TUBGCP6: variants seen among roughly 807,000 people sequenced by gnomAD.
TUBGCP6 encodes gamma-tubulin complex component 6.
In TUBGCP6, 161 loss-of-function variants were observed where a neutral mutation model predicts 175.8. The observed-to-expected ratio is 0.92, with a 90% CI of 0.81 to 1.04. The LOEUF (loss-of-function observed/expected upper bound fraction) is 1.04. TUBGCP6 is among the 50% of genes least tolerant of loss of function. The pLI is 0.00. For missense variants in TUBGCP6, 2,572 were observed against 2,433.0 expected, an observed-to-expected ratio of 1.06 and a Z score of -1.20; for synonymous variants, 1,173 against 1,030.5, an observed-to-expected ratio of 1.14 and a Z score of -2.65.
intron 1 of TUBGCP6, among the ~76,000 whole-genome samples, chr22:50,242,325 T>C (rs1198533494): frequency 6.7e-6 from 1 of 148,322 alleles, no homozygotes; most frequent in Non-Finnish European, 1.5e-5. Context: ...AAAATAAAAA[T>C]ACAAACATAT....
intron 3 of TUBGCP6, among the ~76,000 whole-genome samples, chr22:50,232,691 T>TTTTC (rs1170883632): frequency 6.6e-6 from 1 of 152,258 alleles, no homozygotes; most frequent in African/African-American, 2.4e-5. Context: ...TGGTGAGCAC[T>TTTTC]TTTCTGGGGC....
At chr22:50,238,106 C>A (rs1290079862) in intron 2 of TUBGCP6, among the ~76,000 whole-genome samples, 1 of 151,544 alleles carries the variant, frequency 6.6e-6, no homozygotes, top group East Asian at 1.9e-4. Flanking sequence ...GCACTCCAGC[C>A]TGGGCAACAA....
rs748989083 is a variant in TUBGCP6, at chr22:50,217,990, C to T, written c.5296G>A (p.Glu1766Lys). Residue 1766 changes from glutamate to lysine, a missense_variant, in exon 24 of 25, where the codon GAG (glutamate) becomes AAG (lysine). Transcript: ENST00000248846. ...TGCATGAGTGCAAAGTTGGGGTGCT[C>T]TGCACCCCGCGGGCCCCCAGGGGGC... Reference protein sequence around the residue: ...WGPPGGPRGAEHPNFALMQQS... With the variant: ...WGPPGGPRGAKHPNFALMQQS... 3.1e-6 allele frequency: 5 copies of T among 1,611,314 alleles called. No individual in the cohort carries two copies. In the South Asian group the frequency reaches 3.3e-5, roughly 11 times the overall value.
intron 2 of TUBGCP6, 146 bp downstream of exon 2, chr22:50,240,057 CA>C (rs2064820992): frequency 4.5e-6 from 5 of 1,102,836 alleles, no homozygotes; most frequent in Non-Finnish European, 6.6e-6. Context: ...TCCCAGGACT[CA>C]GTCAATTTTG....
chr22:50,228,167 T>C (rs2064640273), intron 4 of TUBGCP6, 139 bp from the exon 5 acceptor site: 3 of 1,058,924 alleles, frequency 2.8e-6, no homozygotes, highest in Middle Eastern at 3.2e-4. Context: ...AATGGGCCTC[T>C]GTGAGCCACA....
intron 2 of TUBGCP6, among the ~76,000 whole-genome samples, chr22:50,237,572 C>T (rs1263427628): frequency 6.6e-6 from 1 of 152,218 alleles, no homozygotes; most frequent in Non-Finnish European, 1.5e-5. Flanking sequence ...TCTGCAGGGC[C>T]CTGGGCAGAG....
chr22:50,222,411 C>CA (rs764503661), intron 14 of TUBGCP6, 43 bp downstream of exon 14: 5 of 1,609,608 alleles, frequency 3.1e-6, no homozygotes, highest in Non-Finnish European at 4.2e-6. Flanking sequence ...TCCAGACCCC[C>CA]AAAGCCCAGG....
In TUBGCP6 at chr22:50,233,350, A is replaced by T; in HGVS notation, c.1082T>A (p.Ile361Asn). 1 of 1,613,942 alleles carries T rather than the reference A, an allele frequency of 6.2e-7. No homozygotes were observed. The highest frequency in any genetic ancestry group is 2.2e-5 in the East Asian group (1 of 44,874). Residue 361 changes from isoleucine to asparagine, a missense_variant, in exon 3 of 25, where the codon ATT becomes AAT. By Grantham distance (149) the Ile-to-Asn change is moderately radical. Transcript: ENST00000248846. ...CGAAAACGTGGCAGACACGACCCCAATCAAGACGTTCAGCACGTCTTTCAC... is the reference window on the plus strand; with the variant it reads ...CGAAAACGTGGCAGACACGACCCCATTCAAGACGTTCAGCACGTCTTTCAC... ...ELVKDVLNVLIGVVSATFSLC... is the reference protein window; with the variant it reads ...ELVKDVLNVLNGVVSATFSLC...
intron 4 of TUBGCP6, 133 bp downstream of exon 4, chr22:50,229,271 G>T: frequency 9.8e-7 from 1 of 1,020,974 alleles, no homozygotes; most frequent in South Asian, 1.7e-5. Context: ...CCACTATCGG[G>T]TTTCAGATGT....
At chr22:50,234,718 T>TAG (rs2064746008) in intron 2 of TUBGCP6, among the ~76,000 whole-genome samples, 3 of 106,342 alleles carry the variant, frequency 2.8e-5, no homozygotes, top group Admixed American at 9.8e-5. Flanking sequence ...CCACACCCCC[T>TAG]GTCCACGGCA....
At chr22:50,228,805 C>T (rs2064652331) in intron 4 of TUBGCP6, among the ~76,000 whole-genome samples, 1 of 152,256 alleles carries the variant, frequency 6.6e-6, no homozygotes, top group East Asian at 1.9e-4. Context: ...CAGCAACAGT[C>T]AAAGGAGGCT....
chr22:50,220,192 C>T lies in TUBGCP6; in HGVS notation c.4108+59G>A, dbSNP rs757582014. 24 of 1,548,464 alleles carry T rather than the reference C, an allele frequency of 1.5e-5. No individual in the cohort carries two copies. The South Asian group carries it at 2.7e-4, about 17-fold the overall frequency. On this transcript the variant is annotated intron_variant, in intron 16 of 24. Transcript: ENST00000248846. ...GCCACCAACCCCACTGCCCGCCTAC[C>T]TCCCAGGCTCTGTGCGTCCCACAGT...
At chr22:50,218,431 A>G in intron 22 of TUBGCP6, 29 bp from the exon 23 acceptor site, 1 of 1,612,900 alleles carries the variant, frequency 6.2e-7, no homozygotes, top group South Asian at 1.1e-5. Flanking sequence ...CAGAGGGCAG[A>G]GGTGAGCGCA....
Position 50,222,680 on chromosome 22 carries a change from A to C in TUBGCP6, c.2271-88T>G, listed in dbSNP as rs570920143. On this transcript the variant is annotated intron_variant, in intron 13 of 24. Transcript: ENST00000248846. ...CCCTCAGGCCAGGATGGTTCTCCAT[A>C]ACAGAGGCCCCAGTGGGCCCCCGCC... 2.4e-5 allele frequency: 37 copies of C among 1,555,938 alleles called. No individual in the cohort carries two copies. The African/African-American group carries it at 4.3e-4, about 18-fold the overall frequency.
At chr22:50,225,103 G>C (rs983718522) in intron 10 of TUBGCP6, among the ~76,000 whole-genome samples, 4 of 139,456 alleles carry the variant, frequency 2.9e-5, no homozygotes, top group Non-Finnish European at 4.6e-5. Flanking sequence ...GGCAAGGCTG[G>C]TTCCAGGCCA....
chr22:50,221,572 C>CA lies in TUBGCP6; in HGVS notation c.2786dup (p.Pro930AlafsTer25). On this transcript the variant is annotated frameshift_variant, in exon 16 of 25. Transcript: ENST00000248846. LOFTEE classifies it high-confidence loss of function. ...GTGCCTCCCCAGGAGCTGAGGGGGG[C>CA]AGGTCCAAGTTAATGGTCTGCAGCG... is the stretch of plus-strand genomic sequence containing the variant. 1 of 1,586,118 alleles carries CA rather than the reference C, an allele frequency of 6.3e-7. No individual in the cohort carries two copies. The highest frequency in any genetic ancestry group is 2.3e-5 in the East Asian group (1 of 44,408).
Position 50,222,681 on chromosome 22 carries a change from A to G in TUBGCP6, c.2271-89T>C, listed in dbSNP as rs906033320. Reference sequence around the variant, plus strand: ...CCTCAGGCCAGGATGGTTCTCCATAACAGAGGCCCCAGTGGGCCCCCGCCC... The same window carrying G: ...CCTCAGGCCAGGATGGTTCTCCATAGCAGAGGCCCCAGTGGGCCCCCGCCC... On this transcript the variant is annotated intron_variant, in intron 13 of 24. Transcript: ENST00000248846. The G allele has an allele frequency of 1.2e-4, 187 of 1,554,166 alleles. 1 individual carries two copies. Among genetic ancestry groups the G allele is most frequent in the Middle Eastern group, 4.6e-4 (2 of 4,312 alleles).
In TUBGCP6 at chr22:50,227,068, G is replaced by A. The variant is rs780853086; in HGVS notation, c.1422C>T (p.Ala474=). The A allele has an allele frequency of 1.4e-5, 22 of 1,611,026 alleles. No homozygotes were observed. Among genetic ancestry groups the A allele is most frequent in the African/African-American group, 4.0e-5 (3 of 74,878 alleles). The change falls in exon 6 of 25, where the codon GCC becomes GCT. Residue 474 remains alanine, a synonymous_variant. Coordinates refer to ENST00000248846, the MANE Select transcript of TUBGCP6 (RefSeq NM_020461.4). ...KKLGRQLRYL[A]ELCGVGAVLP... ...GCACAGCGCCAACGCCACAGAGCTC[G>A]GCCAGGTACCTAGACCCAGAGGCAG... is the stretch of plus-strand genomic sequence containing the variant.
At position 50,244,097 on chromosome 22, in the gene TUBGCP6, A is replaced by G; in HGVS notation, c.363T>C (p.Gly121=). Residue 121 remains glycine, a synonymous_variant, in exon 1 of 25, where the codon GGT becomes GGC. Coordinates refer to ENST00000248846, the MANE Select transcript of TUBGCP6 (RefSeq NM_020461.4). ...GTTTTCTCGGCAGAACTTGAGGGGG[A>G]CCACTCCCTGCCAGCTGAACCAGGA... ...LDLLVQLAGS[G]PPQVLPRKRD... The G allele has an allele frequency of 6.2e-7, 1 of 1,613,608 alleles. No homozygotes were observed. Among genetic ancestry groups the G allele is most frequent in the Non-Finnish European group, 8.5e-7 (1 of 1,180,016 alleles).
Sources: allele counts gnomAD v4.1 joint callset (sites outside exome capture counted in the v4.1 genomes callset), GRCh38; gene constraint gnomAD v4.1.1; transcripts MANE v1.5; gene names NCBI Gene and HGNC (gene_info 2026-07-23, HGNC 2026-07-21).